TRPM3: variants seen among roughly 807,000 people sequenced by gnomAD.
TRPM3 encodes long transient receptor potential channel 3.
In TRPM3, 77 loss-of-function variants were observed where a neutral mutation model predicts 181.2. That is an observed-to-expected ratio of 0.42 (90% confidence interval 0.35 to 0.51). The LOEUF is 0.51. Ranked by LOEUF, TRPM3 falls within the 20% of genes least tolerant of loss-of-function variation. TRPM3 has a pLI of 0.01. For synonymous variants in TRPM3, 745 were observed against 796.4 expected, an observed-to-expected ratio of 0.94 and a Z score of 1.09; for missense variants, 1,759 against 2,196.7, an observed-to-expected ratio of 0.80 and a Z score of 3.98.
At chr9:71,280,217 A>T (rs1175370053) in intron 1 of TRPM3, among the ~76,000 whole-genome samples, 1 of 152,146 alleles carries the variant, frequency 6.6e-6, no homozygotes, top group African/African-American at 2.4e-5. Context: ...GACACCAGCA[A>T]CTCAGGCACG....
intron 1 of TRPM3, among the ~76,000 whole-genome samples, chr9:70,892,448 T>A (rs1185733181): frequency 6.6e-6 from 1 of 152,030 alleles, no homozygotes; most frequent in Non-Finnish European, 1.5e-5. Flanking sequence ...ATCAAAATTA[T>A]TTTCACAGCT....
intron 22 of TRPM3, among the ~76,000 whole-genome samples, chr9:70,588,928 C>T (rs555924670): frequency 7.8e-4 from 119 of 152,304 alleles, no homozygotes; most frequent in African/African-American, 2.7e-3. Flanking sequence ...AGGACAAATA[C>T]TCACTAGCAC....
intron 1 of TRPM3, among the ~76,000 whole-genome samples, chr9:71,313,408 T>A (rs1170927765): frequency 5.3e-5 from 8 of 152,154 alleles, no homozygotes; most frequent in African/African-American, 1.9e-4. Context: ...TATAAGATAA[T>A]CTTACATTAA....
intron 1 of TRPM3, among the ~76,000 whole-genome samples, chr9:71,022,740 AAAAT>A (rs2097856951): frequency 6.6e-6 from 1 of 152,150 alleles, no homozygotes; most frequent in Non-Finnish European, 1.5e-5. Flanking sequence ...ATAATAAAAT[AAAAT>A]AAAAATGGTG....
At chr9:70,848,035 C>T (rs1286147635) in intron 3 of TRPM3, among the ~76,000 whole-genome samples, 1 of 152,090 alleles carries the variant, frequency 6.6e-6, no homozygotes, top group Non-Finnish European at 1.5e-5. Context: ...ATAGAAACAA[C>T]AGGCACCAAA....
chr9:70,876,041 G>A (rs2095863918), intron 1 of TRPM3, among the ~76,000 whole-genome samples: 1 of 151,740 alleles, frequency 6.6e-6, no homozygotes, highest in Admixed American at 6.6e-5. Flanking sequence ...TAAAAAGGTA[G>A]AAGGGTAAAA....
At chr9:71,082,796 G>C (rs1233823299) in intron 1 of TRPM3, among the ~76,000 whole-genome samples, 1 of 152,106 alleles carries the variant, frequency 6.6e-6, no homozygotes, top group Non-Finnish European at 1.5e-5. Flanking sequence ...ACCAGGAACA[G>C]TGCTTCTGTG....
intron 22 of TRPM3, among the ~76,000 whole-genome samples, chr9:70,575,487 A>G (rs562067594): frequency 3.7e-4 from 56 of 152,284 alleles, no homozygotes; most frequent in African/African-American, 1.3e-3. Context: ...CACATGACAC[A>G]TCACCAGTGC....
At chr9:70,818,172 G>T (rs972561752) in intron 6 of TRPM3, among the ~76,000 whole-genome samples, 1 of 152,076 alleles carries the variant, frequency 6.6e-6, no homozygotes, top group Non-Finnish European at 1.5e-5. Flanking sequence ...CACATATAGG[G>T]TTTTTACTAT....
intron 25 of TRPM3, among the ~76,000 whole-genome samples, chr9:70,546,294 T>A (rs1332459226): frequency 6.6e-6 from 1 of 152,208 alleles, no homozygotes; most frequent in East Asian, 1.9e-4. Flanking sequence ...GGAAACATTT[T>A]AGAAGTGCAA....
intron 3 of TRPM3, among the ~76,000 whole-genome samples, chr9:70,855,885 C>A (rs2095373362): frequency 6.6e-6 from 1 of 152,108 alleles, no homozygotes; most frequent in South Asian, 2.1e-4. Context: ...AAAAAATATC[C>A]TTAGAAAATA....
chr9:70,769,489 G>A (rs1249449972), intron 7 of TRPM3, among the ~76,000 whole-genome samples: 11 of 151,092 alleles, frequency 7.3e-5, no homozygotes, highest in Admixed American at 6.0e-4. Context: ...TTTGGAGTAC[G>A]GATGATCAAG....
intron 5 of TRPM3, among the ~76,000 whole-genome samples, chr9:70,838,608 C>T (rs1268839125): frequency 6.6e-6 from 1 of 152,052 alleles, no homozygotes; most frequent in Non-Finnish European, 1.5e-5. Flanking sequence ...TGAAGTTAGT[C>T]AGGAAAGATG....
intron 1 of TRPM3, among the ~76,000 whole-genome samples, chr9:70,960,756 G>A (rs1015822112): frequency 2.0e-5 from 3 of 152,146 alleles, no homozygotes; most frequent in African/African-American, 7.2e-5. Context: ...TGTGCCGTGT[G>A]TACACTGTCC....
intron 1 of TRPM3, among the ~76,000 whole-genome samples, chr9:71,280,094 A>AAC (rs1424999103): frequency 6.7e-6 from 1 of 150,188 alleles, no homozygotes; most frequent in African/African-American, 2.5e-5. Context: ...AAAAAAAAAA[A>AAC]AGGGGATGTA....
In TRPM3 at chr9:70,828,010, C is replaced by T. The variant is rs376572718; in HGVS notation, c.810G>A (p.Arg270=). The T allele has an allele frequency of 1.2e-5, 19 of 1,610,830 alleles. No homozygotes were observed. The highest frequency in any genetic ancestry group is 2.7e-5 in the African/African-American group (2 of 74,752). Residue 270 remains arginine, a synonymous_variant, in exon 6 of 26, where the codon CGG becomes CGA. Transcript: ENST00000677713. ...QEDLIGRDVV[R]PYQTMSNPMS... ...TGGGATTGGACATGGTCTGGTATGG[C>T]CGGACAACCTGCAGGGTATCAAATG...
intron 9 of TRPM3, among the ~76,000 whole-genome samples, chr9:70,670,337 G>A (rs1268422059): frequency 2.0e-5 from 3 of 152,146 alleles, no homozygotes; most frequent in Non-Finnish European, 4.4e-5. Context: ...AACATGCTCT[G>A]TGAATTATAA....
chr9:71,239,800 C>T (rs549517919), intron 1 of TRPM3, among the ~76,000 whole-genome samples: 3 of 151,922 alleles, frequency 2.0e-5, no homozygotes, highest in Admixed American at 1.3e-4. Context: ...AATAGGAATG[C>T]GGAAAACATG....
chr9:71,098,635 G>A lies in TRPM3; in HGVS notation c.177+22543C>T, dbSNP rs574610762. 1.3e-3 allele frequency among the ~76,000 whole-genome samples: 196 copies of A among 152,266 alleles called. 1 individual carries two copies. Among genetic ancestry groups the A allele is most frequent in the African/African-American group, 4.4e-3 (184 of 41,560 alleles). On this transcript the variant is annotated intron_variant, in intron 1 of 25. Coordinates refer to ENST00000677713, the MANE Select transcript of TRPM3 (RefSeq NM_001366145.2). ...GATAATGAATAAAATTGGACCAGAT[G>A]ACCAGTTACATTCTTTTCAGCTCTA... is the stretch of plus-strand genomic sequence containing the variant.
Sources: allele counts gnomAD v4.1 joint callset (sites outside exome capture counted in the v4.1 genomes callset), GRCh38; gene constraint gnomAD v4.1.1; transcripts MANE v1.5; gene names NCBI Gene and HGNC (gene_info 2026-07-23, HGNC 2026-07-21).